DDX23: variants seen among roughly 807,000 people sequenced by gnomAD.
The protein encoded by DDX23 is probable ATP-dependent RNA helicase DDX23.
A neutral mutation model predicts 102.7 loss-of-function variants in DDX23; 33 were observed. That is an observed-to-expected ratio of 0.32 (90% CI 0.24 to 0.43). The LOEUF (loss-of-function observed/expected upper bound fraction) is 0.43. DDX23 is among the 20% of genes least tolerant of loss of function. The probability of loss-of-function intolerance (pLI) is 1.00; values close to 1 mark genes in which losing one functional copy is unlikely to be tolerated. For missense variants in DDX23, 549 were observed against 1,086.6 expected (o/e 0.51, Z 6.96); for synonymous variants, 352 against 376.0 (o/e 0.94, Z 0.74).
In DDX23 at chr12:48,836,176, C is replaced by A; in HGVS notation, c.1327G>T (p.Ala443Ser). The part of the protein sequence containing the change: ...GVAETGSGKT[A>S]AFLIPLLVWI... ...ACCAGCAGAGGGATGAGGAAGGCTG[C>A]TGTCTTGCCACTGCCAGTCTCAGCC... The change falls in exon 11 of 17, where the codon GCA (alanine) becomes TCA (serine). Residue 443 changes from alanine (A) to serine (S), a missense_variant. Physicochemically the swap from Ala to Ser is moderately conservative, Grantham distance 99. Coordinates refer to ENST00000308025, the MANE Select transcript of DDX23 (RefSeq NM_004818.3). The surrounding 1 kb of genome is among the most constrained non-coding windows in gnomAD (Gnocchi z 6.1). 6.2e-7 allele frequency: 1 copy of A among 1,613,806 alleles called. No homozygotes were observed. Among genetic ancestry groups the A allele is most frequent in the Non-Finnish European group, 8.5e-7 (1 of 1,180,038 alleles).
At chr12:48,833,849 G>A (rs558177787) in intron 12 of DDX23, among the ~76,000 whole-genome samples, 1 of 152,068 alleles carries the variant, frequency 6.6e-6, no homozygotes, top group Admixed American at 6.5e-5. Flanking sequence ...ACTATGAAGG[G>A]GGTTGTATAA....
At chr12:48,846,565 A>T (rs943824617) in intron 1 of DDX23, among the ~76,000 whole-genome samples, 5 of 152,230 alleles carry the variant, frequency 3.3e-5, no homozygotes, top group African/African-American at 1.2e-4. Context: ...GGAAAACCTG[A>T]ATTTAAGTGG....
intron 3 of DDX23, among the ~76,000 whole-genome samples, chr12:48,841,552 A>C (rs1592202727): frequency 2.0e-5 from 3 of 149,932 alleles, no homozygotes; most frequent in Non-Finnish European, 3.0e-5. Context: ...GCTCACTGCA[A>C]CCTCCCTGCC....
chr12:48,836,317 T>C lies in DDX23; in HGVS notation c.1237-51A>G, dbSNP rs1255417421. ...TAGGTACAGGGAGAGTTATACCACC[T>C]GGGCAACCACTGATAGTAGTAAGCA... On this transcript the variant is annotated intron_variant, in intron 10 of 16. Transcript: ENST00000308025. This position sits in a 1 kb window ranked among gnomAD's most constrained non-coding sequence, Gnocchi z 6.1. 2 of 1,595,082 alleles carry C rather than the reference T, an allele frequency of 1.3e-6. No individual in the cohort carries two copies. The highest frequency in any genetic ancestry group is 1.7e-6 in the Non-Finnish European group (2 of 1,163,724).
At chr12:48,843,609 C>T (rs1938611388) in intron 3 of DDX23, among the ~76,000 whole-genome samples, 1 of 140,162 alleles carries the variant, frequency 7.1e-6, no homozygotes, top group Non-Finnish European at 1.5e-5. Flanking sequence ...AGTGCAGTGG[C>T]GTGATCTCGA....
rs1390958669 is a variant in DDX23 at position 48,832,775 on chromosome 12, A to G, written c.1804-202T>C. 6 of 645,610 alleles carry G rather than the reference A, an allele frequency of 9.3e-6. No homozygotes were observed. In the Admixed American group the frequency reaches 1.9e-4, roughly 20 times the overall value. 40.0% of individuals were successfully genotyped at this position (645,610 alleles called of 1,614,324 possible). On this transcript the variant is annotated intron_variant, in intron 13 of 16. Transcript: ENST00000308025. The surrounding 1 kb of genome is among the most constrained non-coding windows in gnomAD (Gnocchi z 4.4). ...TCATCAAGGCACTTTCCATCTTATG[A>G]TGACAGGAAGGATTGAGAGCATTTG...
chr12:48,831,510 G>T (rs1938385884), intron 15 of DDX23, among the ~76,000 whole-genome samples, 194 bp from the exon 16 acceptor site: 1 of 152,186 alleles, frequency 6.6e-6, no homozygotes, highest in Non-Finnish European at 1.5e-5. Flanking sequence ...AGAGAAAAAG[G>T]TGTGGTGTGG....
rs779147708 is a variant in DDX23, at chr12:48,839,896, G to A, written c.428C>T (p.Ser143Phe). The A allele has an allele frequency of 1.2e-6, 2 of 1,614,174 alleles. No homozygotes were observed. Among genetic ancestry groups the A allele is most frequent in the South Asian group, 2.2e-5 (2 of 91,084 alleles). Residue 143 changes from serine (S) to phenylalanine (F), a missense_variant, in exon 5 of 17, where the codon TCC becomes TTC. By Grantham distance (155) the Ser-to-Phe change is radical (BLOSUM62 -2). Around this residue, in one of 4 missense-constraint regions of DDX23, gnomAD observed 241 missense variants for 267.0 expected, o/e 0.90. Transcript: ENST00000308025. ...TTTCTTGGCCAGAAGCTCCTCCAGG[G>A]ATAATGGCTGGGCCTGAAGATAAAA... The part of the protein sequence containing the change: ...GDKKPKAQPL[S>F]LEELLAKKKA...
chr12:48,838,876 G>A (rs1273128161), intron 5 of DDX23, among the ~76,000 whole-genome samples: 2 of 151,992 alleles, frequency 1.3e-5, no homozygotes, highest in African/African-American at 4.8e-5. Flanking sequence ...AACAATGCAT[G>A]TGTTATATAT....
intron 1 of DDX23, chr12:48,847,143 G>A (rs1938681522): frequency 6.6e-6 from 1 of 152,212 alleles, no homozygotes; most frequent in African/African-American, 2.4e-5. Flanking sequence ...CAAAAGGTGA[G>A]GACAACCCAT....
rs778222237 is a variant in DDX23 at position 48,837,018 on chromosome 12, C to A, written c.886G>T (p.Val296Leu). Residue 296 changes from valine to leucine, a missense_variant, in exon 9 of 17, where the codon GTG becomes TTG. Around this residue, in one of 4 missense-constraint regions of DDX23, gnomAD observed 270 missense variants for 707.0 expected, o/e 0.38. Coordinates refer to ENST00000308025, the MANE Select transcript of DDX23 (RefSeq NM_004818.3). Reference protein sequence around the residue: ...YNPLYKERHQVQLLGRGFIAG... With the variant: ...YNPLYKERHQLQLLGRGFIAG... ...ATGAAGCCTCGCCCTAACAACTGCACCTGGTGCCGTTCTTTGTACCTGGGA... is the reference window on the plus strand; with the variant it reads ...ATGAAGCCTCGCCCTAACAACTGCAACTGGTGCCGTTCTTTGTACCTGGGA... 1 of 1,614,004 alleles carries A rather than the reference C, an allele frequency of 6.2e-7. No individual in the cohort carries two copies. The highest frequency in any genetic ancestry group is 8.5e-7 in the Non-Finnish European group (1 of 1,180,022).
At chr12:48,848,024 G>A (rs531920527) in intron 1 of DDX23, among the ~76,000 whole-genome samples, 69 of 152,152 alleles carry the variant, frequency 4.5e-4, no homozygotes, top group Non-Finnish European at 8.5e-4. Flanking sequence ...GGTGGCTCAC[G>A]CCTATAATCC....
chr12:48,839,723 G>A lies in DDX23; in HGVS notation c.480+121C>T, dbSNP rs111789084. The A allele has an allele frequency of 5.6e-4, 544 of 974,340 alleles. 6 individuals are homozygous for A. The highest frequency in any genetic ancestry group is 3.9e-3 in the South Asian group (241 of 62,480). 60.4% of individuals were successfully genotyped at this position (974,340 alleles called of 1,614,324 possible). On this transcript the variant is annotated intron_variant, in intron 5 of 16. Coordinates refer to ENST00000308025, the MANE Select transcript of DDX23 (RefSeq NM_004818.3). ...GAAGAAATAACCCTGCTGACACTCC[G>A]CTCTCAGACTTCCAGCCTCCAGAAC...
In DDX23 at chr12:48,836,586, C is replaced by A; in HGVS notation, c.1219G>T (p.Asp407Tyr). ...SLPPHILEVI[D>Y]KCGYKEPTPI... is the part of the protein sequence containing the mutation. The stretch of plus-strand genomic sequence containing the variant: ...CTCCTTACCTTGTAGCCACACTTAT[C>A]AATGACCTCCAAGATGTGTGGGGGC... The change falls in exon 10 of 17, where the codon GAT (aspartate) becomes TAT (tyrosine). Residue 407 changes from aspartate to tyrosine, a missense_variant. By Grantham distance (160) the Asp-to-Tyr change is radical (BLOSUM62 -3). This residue lies in a region of DDX23 where 270 missense variants were observed against 707.0 expected (regional missense o/e 0.38). Coordinates refer to ENST00000308025, the MANE Select transcript of DDX23 (RefSeq NM_004818.3). The surrounding 1 kb of genome is among the most constrained non-coding windows in gnomAD (Gnocchi z 6.1). 1 of 1,613,558 alleles carries A rather than the reference C, an allele frequency of 6.2e-7. No individual in the cohort carries two copies. Among genetic ancestry groups the A allele is most frequent in the South Asian group, 1.1e-5 (1 of 91,050 alleles).
rs771895496 is a variant in DDX23 at position 48,830,346 on chromosome 12, G to A, written c.*123C>T. 2 of 1,186,020 alleles carry A rather than the reference G, an allele frequency of 1.7e-6. No homozygotes were observed. Among genetic ancestry groups the A allele is most frequent in the Admixed American group, 3.9e-5 (2 of 50,908 alleles). 73.5% of individuals were successfully genotyped at this position (1,186,020 alleles called of 1,614,324 possible). ...ACCTGAGGGTCTGGGCTAGGGAGTTGGATTGTTTTCCTAAGCCCCCATATC... is the reference window on the plus strand; with the variant it reads ...ACCTGAGGGTCTGGGCTAGGGAGTTAGATTGTTTTCCTAAGCCCCCATATC... On this transcript the variant is annotated 3_prime_UTR_variant, in exon 17 of 17. Coordinates refer to ENST00000308025, the MANE Select transcript of DDX23 (RefSeq NM_004818.3). This position sits in a 1 kb window ranked among gnomAD's most constrained non-coding sequence, Gnocchi z 4.9.
Position 48,833,426 on chromosome 12 carries a change from C to G in DDX23, c.1654G>C (p.Asp552His), listed in dbSNP as rs1204146628. 6.2e-7 allele frequency: 1 copy of G among 1,614,100 alleles called. No individual in the cohort carries two copies. Among genetic ancestry groups the G allele is most frequent in the Non-Finnish European group, 8.5e-7 (1 of 1,180,052 alleles). ...TCAAAGCCCATGTCAATCATCCTAT[C>G]TGCCTCATCCAGAACCACATAGGTA... The part of the protein sequence containing the change: ...RCTYVVLDEA[D>H]RMIDMGFEPD... Residue 552 changes from aspartate (D) to histidine (H), a missense_variant, in exon 13 of 17, where the codon GAT (aspartate) becomes CAT (histidine). By Grantham distance (81) the Asp-to-His change is moderately conservative. Coordinates refer to ENST00000308025, the MANE Select transcript of DDX23 (RefSeq NM_004818.3).
At position 48,832,422 on chromosome 12, in the gene DDX23, C is replaced by A; in HGVS notation, c.1955G>T (p.Arg652Met). 6.2e-7 allele frequency: 1 copy of A among 1,612,860 alleles called. No homozygotes were observed. Among genetic ancestry groups the A allele is most frequent in the Non-Finnish European group, 8.5e-7 (1 of 1,179,008 alleles). The change falls in exon 14 of 17, where the codon AGG becomes ATG. Residue 652 changes from arginine (R) to methionine (M), a missense_variant and splice_region_variant. Arg to Met is a moderately conservative substitution (Grantham distance 91, BLOSUM62 -1). Transcript: ENST00000308025. This position sits in a 1 kb window ranked among gnomAD's most constrained non-coding sequence, Gnocchi z 4.4. ...KVFLMSESEK[R>M]KKLLAILEQG... is the part of the protein sequence containing the mutation. ...TCCCCTGGCTCAGCTGCCCTCATAC[C>A]TCTTTTCTGACTCTGACATGAGGAA...
rs530554097 is a variant in DDX23, at chr12:48,843,832, G to C, written c.320+108C>G. 8 of 1,204,910 alleles carry C rather than the reference G, an allele frequency of 6.6e-6. No individual in the cohort carries two copies. The East Asian group carries it at 9.5e-5, about 14-fold the overall frequency. The allele number at this position is 1,204,910 out of a possible 1,614,324, so 74.6% of individuals were successfully genotyped here. On this transcript the variant is annotated intron_variant, in intron 3 of 16. Coordinates refer to ENST00000308025, the MANE Select transcript of DDX23 (RefSeq NM_004818.3). ...CAAAGTGCTGGGATTACAGGCGTGA[G>C]CCACCACGCCTGGCGAGAAATCTAC...
At chr12:48,833,939 C>G (rs760716912) in intron 12 of DDX23, among the ~76,000 whole-genome samples, 9 of 152,120 alleles carry the variant, frequency 5.9e-5, no homozygotes, top group Non-Finnish European at 1.3e-4. Flanking sequence ...CTCCACTTTC[C>G]TGAGATGAAG....
Sources: gnomAD v4.1 joint callset for allele counts (sites outside exome capture counted in the v4.1 genomes callset) on GRCh38, gnomAD v4.1.1 for gene constraint, gnomAD v4.1.1 regional missense constraint, Gnocchi (gnomAD v3.1) non-coding constraint, MANE v1.5 for transcripts, NCBI Gene and HGNC (gene_info 2026-07-23, HGNC 2026-07-21) for gene names.